The following CAPN14 variants were observed in gnomAD, a reference collection of about 807,000 sequenced individuals.
CAPN14 encodes calpain-14.
A neutral mutation model predicts 101.3 loss-of-function variants in CAPN14; 94 were observed. The ratio of observed to expected loss-of-function variants is 0.93; its 90% CI spans 0.79 to 1.10. The LOEUF is 1.10. CAPN14 is among the 50% of genes least tolerant of loss of function. The pLI is 0.00. For synonymous variants in CAPN14, 338 were observed against 317.9 expected, an observed-to-expected ratio of 1.06 and a Z score of -0.67; for missense variants, 837 against 828.4, an observed-to-expected ratio of 1.01 and a Z score of -0.13.
At chr2:31,212,205 G>A (rs989680740) in intron 1 of CAPN14, among the ~76,000 whole-genome samples, 9 of 151,718 alleles carry the variant, frequency 5.9e-5, no homozygotes, top group Admixed American at 2.0e-4. Flanking sequence ...AGCTACTCAG[G>A]AGACCAAGGC....
At position 31,227,029 on chromosome 2, in the gene CAPN14, T is replaced by G. The variant is rs950317770; in HGVS notation, c.-176-378A>C. On this transcript the variant is annotated intron_variant and NMD_transcript_variant, in intron 1 of 21. Coordinates refer to the CAPN14 transcript ENST00000398824. Reference sequence around the variant, plus strand: ...CTTCAGGATTGCCATGAGGACTAGATGCCCACGCTCTGGAAACACCTGTGC... The same window carrying G: ...CTTCAGGATTGCCATGAGGACTAGAGGCCCACGCTCTGGAAACACCTGTGC... 1.2e-4 allele frequency among the ~76,000 whole-genome samples: 18 copies of G among 152,168 alleles called. No individual in the cohort carries two copies. The South Asian group carries it at 1.4e-3, about 12-fold the overall frequency.
At chr2:31,182,535 CCAATAACAGA>C (rs1433666375) in intron 16 of CAPN14, among the ~76,000 whole-genome samples, 1 of 128,872 alleles carries the variant, frequency 7.8e-6, no homozygotes, top group African/African-American at 3.6e-5. Flanking sequence ...TTCTTATACA[CCAATAACAGA>C]CAAACAGAGA....
chr2:31,205,065 A>T (rs185270512), intron 2 of CAPN14, among the ~76,000 whole-genome samples, 158 bp downstream of exon 2: 19 of 152,272 alleles, frequency 1.2e-4, no homozygotes, highest in Admixed American at 9.8e-4. Flanking sequence ...ATGTGGGGAA[A>T]ACCTCCTACA....
intron 3 of CAPN14, among the ~76,000 whole-genome samples, chr2:31,202,580 T>C (rs922076525): frequency 6.6e-6 from 1 of 152,202 alleles, no homozygotes; most frequent in Non-Finnish European, 1.5e-5. Flanking sequence ...AACTGATTTA[T>C]GTTCTTCTGG....
intron 2 of CAPN14, among the ~76,000 whole-genome samples, chr2:31,225,892 G>A (rs1683008389): frequency 6.6e-6 from 1 of 151,794 alleles, no homozygotes; most frequent in East Asian, 1.9e-4. Context: ...AGGGAGAGGA[G>A]GAGGAAGACA....
intron 8 of CAPN14, among the ~76,000 whole-genome samples, chr2:31,194,860 G>C (rs539081864): frequency 6.6e-6 from 1 of 152,308 alleles, no homozygotes; most frequent in South Asian, 2.1e-4. Flanking sequence ...GGCCATGAAG[G>C]AGTAAGACTG....
chr2:31,174,750 C>G, intron 21 of CAPN14, 43 bp from the exon 22 acceptor site: 1 of 1,548,672 alleles, frequency 6.5e-7, no homozygotes, highest in Non-Finnish European at 8.7e-7. Context: ...TTCAGACCCA[C>G]GTCTCATCTG....
In CAPN14 at chr2:31,188,231, C is replaced by A; in HGVS notation, c.1530+87G>T. 2.6e-6 allele frequency: 3 copies of A among 1,167,600 alleles called. No individual in the cohort carries two copies. In the Middle Eastern group the frequency reaches 5.7e-4, roughly 221 times the overall value. The allele number at this position is 1,167,600 out of a possible 1,614,324, so 72.3% of individuals were successfully genotyped here. ...TCTGTAAGGATCCGCATATCTCCTC[C>A]CCTGACTCCTTAACTTGAAGGGAGA... On this transcript the variant is annotated intron_variant, in intron 14 of 21. Transcript: ENST00000403897.
intron 5 of CAPN14, among the ~76,000 whole-genome samples, chr2:31,201,236 T>G (rs1681764836): frequency 6.6e-6 from 1 of 151,814 alleles, no homozygotes; most frequent in Non-Finnish European, 1.5e-5. Flanking sequence ...TTTGCGTGTG[T>G]GTGTGCATGT....
intron 8 of CAPN14, among the ~76,000 whole-genome samples, chr2:31,195,389 T>A (rs1681415501): frequency 6.6e-6 from 1 of 152,144 alleles, no homozygotes; most frequent in South Asian, 2.1e-4. Flanking sequence ...TACGCTGGAG[T>A]GCAGTGGTGC....
At chr2:31,196,220 C>T (rs753558999) in intron 8 of CAPN14, among the ~76,000 whole-genome samples, 4 of 152,150 alleles carry the variant, frequency 2.6e-5, no homozygotes, top group Non-Finnish European at 5.9e-5. Flanking sequence ...CCTCTGGATC[C>T]AAGAACTTAA....
chr2:31,177,074 C>T lies in CAPN14; in HGVS notation c.1924G>A (p.Asp642Asn), dbSNP rs530768205. The change falls in exon 20 of 22, where the codon GAC (aspartate) becomes AAC (asparagine). Residue 642 changes from aspartate (D) to asparagine (N), a missense_variant. Coordinates refer to ENST00000403897, the MANE Select transcript of CAPN14 (RefSeq NM_001145122.2). The part of the protein sequence containing the change: ...IRYGGPRLQM[D>N]FVSFIHLMLR... The stretch of plus-strand genomic sequence containing the variant: ...ATCAAGTGGATGAAACTGACAAAGT[C>T]CATCTGGAGGCGGGGGCCGCCGTAG... 8.3e-5 allele frequency: 129 copies of T among 1,551,552 alleles called. No homozygotes were observed. In the African/African-American group the frequency reaches 1.6e-3, roughly 19 times the overall value.
At chr2:31,212,323 A>AC (rs1187938966) in intron 1 of CAPN14, among the ~76,000 whole-genome samples, 1 of 151,048 alleles carries the variant, frequency 6.6e-6, no homozygotes, top group African/African-American at 2.5e-5. Flanking sequence ...AAAAAAAAAA[A>AC]AAAACAAAAA....
At chr2:31,214,674 C>T (rs1448310189) in intron 1 of CAPN14, among the ~76,000 whole-genome samples, 1 of 152,144 alleles carries the variant, frequency 6.6e-6, no homozygotes, top group Admixed American at 6.5e-5. Context: ...AGCTGCCCCA[C>T]TTCCATTTGA....
chr2:31,188,435 C>T (rs915169247), intron 13 of CAPN14, 81 bp from the exon 14 acceptor site: 53 of 1,277,354 alleles, frequency 4.1e-5, no homozygotes, highest in Non-Finnish European at 5.4e-5. Context: ...CCTGGGAGCT[C>T]GTCTTCCACG....
chr2:31,226,070 C>A (rs1468783879), intron 2 of CAPN14, among the ~76,000 whole-genome samples: 1 of 152,042 alleles, frequency 6.6e-6, no homozygotes, highest in African/African-American at 2.4e-5. Flanking sequence ...ATAGATAACT[C>A]TGAAATAAGG....
chr2:31,223,923 C>T (rs1348070300), intron 2 of CAPN14, among the ~76,000 whole-genome samples: 2 of 152,174 alleles, frequency 1.3e-5, no homozygotes, highest in Non-Finnish European at 2.9e-5. Context: ...AGCATAACAC[C>T]TGACATATAA....
At chr2:31,232,243 T>G (rs1383055754) in intron 1 of CAPN14, among the ~76,000 whole-genome samples, 1 of 152,198 alleles carries the variant, frequency 6.6e-6, no homozygotes, top group African/African-American at 2.4e-5. Flanking sequence ...AATGATCTTA[T>G]CCCCTATGGT....
Position 31,188,359 on chromosome 2 carries a change from GAACA to G in CAPN14, c.1494-9_1494-6del. ...CCAGAATTGCTGCCAATTTCACTGA[GAACA>G]AACAAACAAGAACAAACTCAGAGTT... On this transcript the variant is annotated splice_polypyrimidine_tract_variant and splice_region_variant and intron_variant, in intron 13 of 21. Transcript: ENST00000403897. The G allele has an allele frequency of 7.1e-6, 11 of 1,551,330 alleles. No homozygotes were observed. The highest frequency in any genetic ancestry group is 9.6e-6 in the Non-Finnish European group (11 of 1,146,742).
Sources: gnomAD v4.1 joint callset for allele counts (sites outside exome capture counted in the v4.1 genomes callset) on GRCh38, gnomAD v4.1.1 for gene constraint, MANE v1.5 for transcripts, NCBI Gene and HGNC (gene_info 2026-07-23, HGNC 2026-07-21) for gene names.